The following MED27 variants were observed in gnomAD, a reference collection of about 807,000 sequenced individuals.
MED27 encodes mediator of RNA polymerase II transcription subunit 27.
Under a neutral mutation model 38.2 loss-of-function variants are expected in MED27, and 30 were observed. The observed-to-expected ratio is 0.79, with a 90% confidence interval of 0.59 to 1.07. The LOEUF (loss-of-function observed/expected upper bound fraction) is 1.07, where lower values mean the gene tolerates loss of function less well. Ranked by LOEUF, MED27 falls within the 50% of genes least tolerant of loss-of-function variation. MED27 has a pLI of 0.00. For missense variants in MED27, 289 were observed against 397.5 expected (o/e 0.73, Z 2.32); for synonymous variants, 122 against 153.5 (o/e 0.79, Z 1.52).
rs1832281055 is a variant in MED27, at chr9:132,003,089, A to AT, written c.479+11247dup. 6.6e-6 allele frequency among the ~76,000 whole-genome samples: 1 copy of AT among 151,808 alleles called. No homozygotes were observed. Among genetic ancestry groups the AT allele is most frequent in the South Asian group, 2.1e-4 (1 of 4,812 alleles). ...GAAGCTCTTTGTTATGCAAAGAGAG[A>AT]TTTAAAAAAAAAAATGGATCCAGCT... On this transcript the variant is annotated intron_variant, in intron 3 of 7. Transcript: ENST00000292035. The surrounding 1 kb of genome is among the most constrained non-coding windows in gnomAD (Gnocchi z 4.2).
chr9:132,027,745 G>C (rs898999725), intron 2 of MED27, among the ~76,000 whole-genome samples: 1 of 152,194 alleles, frequency 6.6e-6, no homozygotes. Context: ...ACATTTTGCT[G>C]CACAAAATTT....
chr9:131,911,533 C>T (rs896201223), intron 4 of MED27, among the ~76,000 whole-genome samples: 7 of 152,116 alleles, frequency 4.6e-5, no homozygotes, highest in Non-Finnish European at 8.8e-5. Context: ...ATAATAATGG[C>T]CAGGAACATT....
chr9:131,954,388 T>G (rs1831054087), intron 3 of MED27, among the ~76,000 whole-genome samples: 1 of 152,138 alleles, frequency 6.6e-6, no homozygotes, highest in African/African-American at 2.4e-5. Flanking sequence ...TCAAAGGAGT[T>G]AAAAACCACA....
At chr9:131,929,383 C>T (rs551552509) in intron 4 of MED27, among the ~76,000 whole-genome samples, 1 of 152,288 alleles carries the variant, frequency 6.6e-6, no homozygotes, top group African/African-American at 2.4e-5. Context: ...TAGGTACCAG[C>T]TTGGCTACAG....
intron 3 of MED27, among the ~76,000 whole-genome samples, chr9:131,962,711 T>C (rs1221604809): frequency 6.6e-6 from 1 of 152,254 alleles, no homozygotes; most frequent in Non-Finnish European, 1.5e-5. Flanking sequence ...GTGTTTAAAG[T>C]GGATGCTTGG....
intron 4 of MED27, among the ~76,000 whole-genome samples, chr9:131,897,523 G>GTCA (rs749418830): frequency 1.2e-4 from 19 of 152,196 alleles, no homozygotes; most frequent in Non-Finnish European, 1.9e-4. Context: ...AGATGTGGGT[G>GTCA]TCATGGTTCT....
intron 2 of MED27, among the ~76,000 whole-genome samples, chr9:132,071,351 C>T (rs1465051415): frequency 2.6e-5 from 4 of 151,728 alleles, no homozygotes; most frequent in Non-Finnish European, 4.4e-5. Flanking sequence ...CACACACATA[C>T]GTGTAACATG....
intron 3 of MED27, among the ~76,000 whole-genome samples, chr9:131,941,817 A>ATTTTTTTTTTTTTTTTTTTTT (rs766438800): frequency 1.2e-5 from 1 of 82,514 alleles, no homozygotes; most frequent in African/African-American, 5.2e-5. Flanking sequence ...ATTCTGCTGA[A>ATTTTTTTTTTTTTTTTTTTTT]TTTTTTTTTT....
intron 2 of MED27, among the ~76,000 whole-genome samples, chr9:132,062,261 A>G (rs768679701): frequency 6.6e-6 from 1 of 152,260 alleles, no homozygotes; most frequent in East Asian, 1.9e-4. Flanking sequence ...CTGTCCAGGT[A>G]ATCAGTACCT....
At chr9:131,899,717 G>C (rs1027501484) in intron 4 of MED27, among the ~76,000 whole-genome samples, 1 of 152,212 alleles carries the variant, frequency 6.6e-6, no homozygotes, top group South Asian at 2.1e-4. Flanking sequence ...TCGAGATGGA[G>C]CCTGGTGTGC....
chr9:131,929,157 C>G (rs1830533936), intron 4 of MED27, among the ~76,000 whole-genome samples: 1 of 152,182 alleles, frequency 6.6e-6, no homozygotes, highest in African/African-American at 2.4e-5. Context: ...GGACCTAGTC[C>G]TGGCAGGATC....
intron 4 of MED27, among the ~76,000 whole-genome samples, chr9:131,933,077 T>C (rs922738461): frequency 4.6e-5 from 7 of 152,102 alleles, no homozygotes; most frequent in African/African-American, 1.7e-4. Flanking sequence ...CATTTTATGA[T>C]AAAAACCTTC....
At chr9:131,924,557 C>G (rs556800312) in intron 4 of MED27, among the ~76,000 whole-genome samples, 8 of 152,222 alleles carry the variant, frequency 5.3e-5, no homozygotes, top group African/African-American at 1.9e-4. Flanking sequence ...TTTTGACCAT[C>G]TGAAGGTGTT....
At chr9:131,926,578 C>T (rs980594755) in intron 4 of MED27, among the ~76,000 whole-genome samples, 1 of 152,220 alleles carries the variant, frequency 6.6e-6, no homozygotes, top group Non-Finnish European at 1.5e-5. Flanking sequence ...TGTGCATTTC[C>T]CACAAACTAC....
At chr9:132,033,000 T>C (rs973969228) in intron 2 of MED27, among the ~76,000 whole-genome samples, 2 of 152,230 alleles carry the variant, frequency 1.3e-5, no homozygotes, top group Non-Finnish European at 2.9e-5. Flanking sequence ...CATTTTTTCT[T>C]ATCCACAATT....
At chr9:131,926,292 GT>G (rs202173603) in intron 4 of MED27, among the ~76,000 whole-genome samples, 2,453 of 152,302 alleles carry the variant, frequency 0.016, 58 homozygotes, top group African/African-American at 0.052. Flanking sequence ...GAACGCCTTA[GT>G]AGCATATCTC....
intron 6 of MED27, among the ~76,000 whole-genome samples, chr9:131,881,976 G>A (rs1015411827): frequency 1.3e-5 from 2 of 151,558 alleles, no homozygotes; most frequent in Admixed American, 6.6e-5. Flanking sequence ...GGCTGGTCTC[G>A]AACTCCTGAC....
chr9:132,029,264 A>C (rs184770333), intron 2 of MED27, among the ~76,000 whole-genome samples: 1 of 152,368 alleles, frequency 6.6e-6, no homozygotes, highest in Non-Finnish European at 1.5e-5. Flanking sequence ...CAAATACAGA[A>C]CATGCATTGC....
At chr9:131,869,007 G>A (rs571449235) in intron 6 of MED27, 44 of 985,430 alleles carry the variant, frequency 4.5e-5, no homozygotes, top group Admixed American at 1.2e-4. Context: ...ATTGCTGGTC[G>A]GCAATCTGGC....
Sources: allele counts gnomAD v4.1 joint callset (sites outside exome capture counted in the v4.1 genomes callset), GRCh38; gene constraint gnomAD v4.1.1; non-coding constraint Gnocchi (gnomAD v3.1); transcripts MANE v1.5; gene names NCBI Gene and HGNC (gene_info 2026-07-23, HGNC 2026-07-21).